The following GNA15 variants were observed in gnomAD, a reference collection of about 807,000 sequenced individuals.
GNA15 encodes G protein subunit alpha 15.
Under a neutral mutation model 40.1 loss-of-function variants are expected in GNA15, and 23 were observed. The ratio of observed to expected loss-of-function variants is 0.57; its 90% CI spans 0.41 to 0.81. The LOEUF is 0.81. Ranked by LOEUF, GNA15 falls within the 40% of genes least tolerant of loss-of-function variation. The pLI is 0.00. For missense variants in GNA15, 522 were observed against 515.8 expected (o/e 1.01, Z -0.12); for synonymous variants, 226 against 210.4 (o/e 1.07, Z -0.64).
At chr19:3,147,244 G>C (rs188808582) in intron 1 of GNA15, among the ~76,000 whole-genome samples, 27 of 152,242 alleles carry the variant, frequency 1.8e-4, no homozygotes, top group Non-Finnish European at 3.8e-4. Flanking sequence ...ATACATATTA[G>C]TATTGTTATG....
At chr19:3,142,897 TA>T (rs576904329) in intron 1 of GNA15, among the ~76,000 whole-genome samples, 1 of 148,954 alleles carries the variant, frequency 6.7e-6, no homozygotes, top group South Asian at 2.1e-4. Flanking sequence ...AAACAAAAAG[TA>T]AAAAAAAGGA....
intron 5 of GNA15, among the ~76,000 whole-genome samples, chr19:3,156,467 G>C (rs451690): frequency 2.7e-5 from 4 of 148,408 alleles, no homozygotes; most frequent in East Asian, 2.0e-4. Flanking sequence ...CGCACACACA[G>C]GCACACACAC....
At chr19:3,145,485 C>G (rs1337953743) in intron 1 of GNA15, among the ~76,000 whole-genome samples, 1 of 136,600 alleles carries the variant, frequency 7.3e-6, no homozygotes, top group Non-Finnish European at 1.6e-5. Context: ...AGCCGCTACA[C>G]CATGCCCAAG....
Position 3,155,694 on chromosome 19 carries a change from C to A in GNA15, c.615-129C>A. 9.3e-7 allele frequency: 1 copy of A among 1,076,884 alleles called. No individual in the cohort carries two copies. Among genetic ancestry groups the A allele is most frequent in the Non-Finnish European group, 1.3e-6 (1 of 748,306 alleles). 66.7% of individuals were successfully genotyped at this position (1,076,884 alleles called of 1,614,324 possible). ...CCTCGCGGGAATGACATGGCAAATC[C>A]ACGAGAGGCTAGCACCTATTCTTGC... On this transcript the variant is annotated intron_variant, in intron 4 of 6. Transcript: ENST00000262958. The surrounding 1 kb of genome is among the most constrained non-coding windows in gnomAD (Gnocchi z 5.6).
intron 2 of GNA15, chr19:3,149,559 T>TAC (rs367687862): frequency 7.6e-4 from 120 of 157,084 alleles, no homozygotes; most frequent in Middle Eastern, 3.4e-3. Flanking sequence ...TGTACATCTA[T>TAC]ACACACACAC....
chr19:3,145,613 G>A (rs1158389264), intron 1 of GNA15, among the ~76,000 whole-genome samples: 1 of 125,396 alleles, frequency 8.0e-6, no homozygotes, highest in Non-Finnish European at 1.6e-5. Context: ...GTAGTGGCAC[G>A]ATCTCAGCTC....
intron 1 of GNA15, among the ~76,000 whole-genome samples, chr19:3,143,394 G>A (rs1914623598): frequency 6.6e-6 from 1 of 152,226 alleles, no homozygotes; most frequent in East Asian, 1.9e-4. Flanking sequence ...GCTCATGCCT[G>A]TAATCCCAGT....
intron 1 of GNA15, among the ~76,000 whole-genome samples, chr19:3,137,944 G>C (rs867516341): frequency 6.6e-6 from 1 of 151,780 alleles, no homozygotes; most frequent in Non-Finnish European, 1.5e-5. Flanking sequence ...CTGGATGACA[G>C]AGCAAGACTC....
Position 3,163,363 on chromosome 19 carries a change from C to CT in GNA15, c.*345dup, listed in dbSNP as rs1171238071. ...GGAGCCCCATCTCCGGGCGTGTCAC[C>CT]TCCTGGGCAGGGTTCTGGGACCCTC... On this transcript the variant is annotated 3_prime_UTR_variant, in exon 7 of 7. Transcript: ENST00000262958. 3.0e-5 allele frequency: 11 copies of CT among 369,512 alleles called. No homozygotes were observed. The highest frequency in any genetic ancestry group is 5.1e-5 in the Non-Finnish European group (10 of 195,180). 22.9% of individuals were successfully genotyped at this position (369,512 alleles called of 1,614,324 possible).
intron 1 of GNA15, among the ~76,000 whole-genome samples, chr19:3,147,583 A>G (rs1914757405): frequency 1.4e-5 from 2 of 148,146 alleles, no homozygotes; most frequent in Admixed American, 6.8e-5. Context: ...AAAAAAACCC[A>G]TAAGAACCAT....
rs1914869399 is a variant in GNA15, at chr19:3,151,006, G to A, written c.486-701G>A. 6.6e-6 allele frequency among the ~76,000 whole-genome samples: 1 copy of A among 151,482 alleles called. No individual in the cohort carries two copies. The highest frequency in any genetic ancestry group is 2.4e-5 in the African/African-American group (1 of 41,176). On this transcript the variant is annotated intron_variant, in intron 3 of 6. Transcript: ENST00000262958. This position sits in a 1 kb window ranked among gnomAD's most constrained non-coding sequence, Gnocchi z 5.0. Reference sequence around the variant, plus strand: ...TCCTAGGGGTGATCCTGTTCCTGGGGGGACTGTATTCCTAGAGTGACCCTG... The same window carrying A: ...TCCTAGGGGTGATCCTGTTCCTGGGAGGACTGTATTCCTAGAGTGACCCTG...
intron 4 of GNA15, among the ~76,000 whole-genome samples, chr19:3,153,631 G>A (rs1914932937): frequency 6.6e-6 from 1 of 150,828 alleles, no homozygotes; most frequent in African/African-American, 2.4e-5. Flanking sequence ...AAGGGTGATG[G>A]GTGAATGGAT....
At chr19:3,142,505 T>C (rs949059597) in intron 1 of GNA15, 2 of 143,654 alleles carry the variant, frequency 1.4e-5, no homozygotes, top group Admixed American at 1.4e-4. Flanking sequence ...CCAAGACTTA[T>C]GTTTGTTCTC....
chr19:3,161,423 T>G (rs756873418), intron 6 of GNA15, among the ~76,000 whole-genome samples: 2 of 152,178 alleles, frequency 1.3e-5, no homozygotes, highest in Non-Finnish European at 2.9e-5. Context: ...CCACAATCAG[T>G]AAACATAAAC....
At chr19:3,143,763 C>T (rs994507721) in intron 1 of GNA15, among the ~76,000 whole-genome samples, 1 of 152,094 alleles carries the variant, frequency 6.6e-6, no homozygotes, top group African/African-American at 2.4e-5. Context: ...AATTGTGCGA[C>T]CCACAGCAAT....
At chr19:3,139,913 A>T (rs1409771330) in intron 1 of GNA15, among the ~76,000 whole-genome samples, 1 of 151,978 alleles carries the variant, frequency 6.6e-6, no homozygotes, top group African/African-American at 2.4e-5. Context: ...GCGCACCTGT[A>T]GTCCCAGCTA....
At chr19:3,149,135 A>C (rs544961174) in intron 2 of GNA15, 42 of 235,170 alleles carry the variant, frequency 1.8e-4, no homozygotes, top group African/African-American at 9.0e-4. Context: ...GTGCACACAC[A>C]CAAATGCACA....
chr19:3,136,801 G>A lies in GNA15; in HGVS notation c.145+206G>A, dbSNP rs1426311040. The stretch of plus-strand genomic sequence containing the variant: ...AGAAGCCAAGTTCCTTGTCCAACGT[G>A]CGACCAGCGGCCAGGTGCCCAGGCC... On this transcript the variant is annotated intron_variant, in intron 1 of 6. Transcript: ENST00000262958. This position sits in a 1 kb window ranked among gnomAD's most constrained non-coding sequence, Gnocchi z 4.9. 6.6e-6 allele frequency among the ~76,000 whole-genome samples: 1 copy of A among 152,254 alleles called. No individual in the cohort carries two copies. The highest frequency in any genetic ancestry group is 1.5e-5 in the Non-Finnish European group (1 of 68,044).
intron 4 of GNA15, among the ~76,000 whole-genome samples, chr19:3,153,798 G>C (rs1334278253): frequency 6.6e-6 from 1 of 151,344 alleles, no homozygotes; most frequent in Non-Finnish European, 1.5e-5. Context: ...ATGGGTGGCA[G>C]GTGATGGATG....
Sources: gnomAD v4.1 joint callset for allele counts (sites outside exome capture counted in the v4.1 genomes callset) on GRCh38, gnomAD v4.1.1 for gene constraint, Gnocchi (gnomAD v3.1) non-coding constraint, MANE v1.5 for transcripts, NCBI Gene and HGNC (gene_info 2026-07-23, HGNC 2026-07-21) for gene names.